CPA6: variants seen among roughly 807,000 people sequenced by gnomAD.
CPA6 encodes carboxypeptidase B.
Under a neutral mutation model 63.3 loss-of-function variants are expected in CPA6, and 58 were observed. The ratio of observed to expected loss-of-function variants is 0.92; its 90% CI spans 0.74 to 1.14. The LOEUF is 1.14. CPA6 is among the 50% of genes most tolerant of loss of function. CPA6 has a pLI of 0.00. For synonymous variants in CPA6, 185 were observed against 179.0 expected (o/e 1.03, Z -0.27); for missense variants, 565 against 526.6 (o/e 1.07, Z -0.71).
intron 1 of CPA6, among the ~76,000 whole-genome samples, chr8:67,723,464 G>A (rs1316442385): frequency 6.6e-6 from 1 of 152,158 alleles, no homozygotes; most frequent in Non-Finnish European, 1.5e-5. Flanking sequence ...ACCGTGCGTG[G>A]CGGAGGATCT....
intron 2 of CPA6, among the ~76,000 whole-genome samples, chr8:67,588,250 A>G (rs889814343): frequency 6.6e-6 from 1 of 152,190 alleles, no homozygotes; most frequent in African/African-American, 2.4e-5. Flanking sequence ...GTTTTAGTAC[A>G]AGGTGAATTA....
intron 10 of CPA6, among the ~76,000 whole-genome samples, chr8:67,424,073 A>T (rs1809831017): frequency 6.6e-6 from 1 of 152,140 alleles, no homozygotes; most frequent in South Asian, 2.1e-4. Flanking sequence ...CATGCGAGGG[A>T]TCTAGGTTGT....
chr8:67,484,385 T>C (rs951761367), intron 7 of CPA6, among the ~76,000 whole-genome samples: 1 of 152,320 alleles, frequency 6.6e-6, no homozygotes, highest in East Asian at 1.9e-4. Flanking sequence ...TTGCCTTCTC[T>C]TGGCCCCATT....
intron 3 of CPA6, among the ~76,000 whole-genome samples, chr8:67,512,269 T>G (rs140267577): frequency 0.012 from 1,760 of 152,274 alleles, 17 homozygotes; most frequent in South Asian, 0.019. Context: ...TGCTTCTTCC[T>G]GCACACATCC....
At chr8:67,467,316 T>C (rs1239267268) in intron 8 of CPA6, among the ~76,000 whole-genome samples, 3 of 152,176 alleles carry the variant, frequency 2.0e-5, no homozygotes, top group Admixed American at 6.5e-5. Flanking sequence ...AGTCTATATG[T>C]TTAGGCTAGA....
chr8:67,449,973 G>A (rs550225168), intron 8 of CPA6, among the ~76,000 whole-genome samples: 37 of 152,008 alleles, frequency 2.4e-4, no homozygotes, highest in African/African-American at 6.5e-4. Context: ...ACACCACCAC[G>A]CCCGGATAAT....
intron 1 of CPA6, among the ~76,000 whole-genome samples, chr8:67,727,833 C>A (rs1393769551): frequency 6.6e-6 from 1 of 152,128 alleles, no homozygotes; most frequent in African/African-American, 2.4e-5. Context: ...AATCCCAGCA[C>A]TTTGGGAGGC....
intron 2 of CPA6, among the ~76,000 whole-genome samples, chr8:67,554,604 G>A (rs1025683947): frequency 6.6e-6 from 1 of 152,216 alleles, no homozygotes; most frequent in African/African-American, 2.4e-5. Context: ...TGGAGAACCA[G>A]GAAAGCCCTT....
chr8:67,675,164 G>C (rs567398369), intron 1 of CPA6, among the ~76,000 whole-genome samples: 5 of 152,136 alleles, frequency 3.3e-5, no homozygotes, highest in African/African-American at 1.2e-4. Flanking sequence ...AACCTGCACA[G>C]GTACTCCCTG....
intron 1 of CPA6, among the ~76,000 whole-genome samples, chr8:67,744,050 GAAAGT>G (rs753804730): frequency 7.9e-5 from 12 of 152,204 alleles, no homozygotes; most frequent in Admixed American, 1.3e-4. Context: ...TAAACTTGCA[GAAAGT>G]AGTTTTGGAG....
intron 2 of CPA6, among the ~76,000 whole-genome samples, chr8:67,584,286 C>T (rs1813862873): frequency 1.3e-5 from 2 of 152,040 alleles, no homozygotes; most frequent in Admixed American, 6.6e-5. Flanking sequence ...TGCAAGTGTG[C>T]CGATAATAAG....
intron 1 of CPA6, among the ~76,000 whole-genome samples, chr8:67,647,148 G>T (rs983816259): frequency 6.6e-6 from 1 of 152,032 alleles, no homozygotes; most frequent in Non-Finnish European, 1.5e-5. Flanking sequence ...TCTATCAGAG[G>T]GAGAACCAAC....
chr8:67,717,104 C>T (rs1306469244), intron 1 of CPA6, among the ~76,000 whole-genome samples: 1 of 152,204 alleles, frequency 6.6e-6, no homozygotes, highest in Non-Finnish European at 1.5e-5. Flanking sequence ...AATTATTCTC[C>T]TCATCCCCTT....
Position 67,538,448 on chromosome 8 carries a change from T to C in CPA6, c.193-20401A>G, listed in dbSNP as rs1812634538. Among the ~76,000 whole-genome samples the C allele has an allele frequency of 2.6e-5, 4 of 152,250 alleles. No individual in the cohort carries two copies. The South Asian group carries it at 8.3e-4, about 32-fold the overall frequency. On this transcript the variant is annotated intron_variant, in intron 2 of 10. Coordinates refer to ENST00000297770, the MANE Select transcript of CPA6 (RefSeq NM_020361.5). ...CCTTTATCATTACGTGATGCCCATC[T>C]TTGTCTCTTTTGATCTTTATTGGTG...
intron 1 of CPA6, among the ~76,000 whole-genome samples, chr8:67,669,092 A>G (rs576144029): frequency 1.3e-5 from 2 of 152,314 alleles, no homozygotes; most frequent in East Asian, 3.9e-4. Flanking sequence ...GATCCTAGAA[A>G]TCCAGTACCA....
chr8:67,632,826 C>T (rs555556182), intron 1 of CPA6, among the ~76,000 whole-genome samples: 106 of 152,234 alleles, frequency 7.0e-4, no homozygotes, highest in Middle Eastern at 3.4e-3. Context: ...CTGTAGACTT[C>T]GTTGCATTGG....
intron 8 of CPA6, among the ~76,000 whole-genome samples, chr8:67,438,193 C>T (rs1386022909): frequency 6.6e-6 from 1 of 152,204 alleles, no homozygotes; most frequent in African/African-American, 2.4e-5. Context: ...GCTGGGATTA[C>T]AGGCATGGGC....
intron 1 of CPA6, among the ~76,000 whole-genome samples, chr8:67,727,861 G>A (rs986390254): frequency 6.6e-6 from 1 of 151,942 alleles, no homozygotes; most frequent in African/African-American, 2.4e-5. Context: ...GGTGGATCAC[G>A]AGGTCAGGAG....
intron 4 of CPA6, among the ~76,000 whole-genome samples, chr8:67,510,445 G>A (rs538598780): frequency 6.6e-6 from 1 of 151,900 alleles, no homozygotes; most frequent in South Asian, 2.1e-4. Flanking sequence ...CATACATTAT[G>A]CATATCTATA....
Sources: allele counts gnomAD v4.1 joint callset (sites outside exome capture counted in the v4.1 genomes callset), GRCh38; gene constraint gnomAD v4.1.1; transcripts MANE v1.5; gene names NCBI Gene and HGNC (gene_info 2026-07-23, HGNC 2026-07-21).